PARD3: variants seen among roughly 807,000 people sequenced by gnomAD.
PARD3 encodes par-3 family cell polarity regulator.
A neutral mutation model predicts 155.4 loss-of-function variants in PARD3; 75 were observed. That is an observed-to-expected ratio of 0.48 (90% confidence interval 0.40 to 0.58). The LOEUF is 0.58. PARD3 is among the 20% of genes least tolerant of loss of function. The pLI is 0.00. For synonymous variants in PARD3, 576 were observed against 610.5 expected (o/e 0.94, Z 0.83); for missense variants, 1,642 against 1,721.7 (o/e 0.95, Z 0.82).
At chr10:34,258,628 C>T (rs527389312) in intron 22 of PARD3, among the ~76,000 whole-genome samples, 2 of 152,106 alleles carry the variant, frequency 1.3e-5, no homozygotes, top group African/African-American at 2.4e-5. Flanking sequence ...TGAGATCAGG[C>T]ATCATTATGC....
chr10:34,466,101 A>T lies in PARD3; in HGVS notation c.582+3984T>A, dbSNP rs2077990308. Among the ~76,000 whole-genome samples the T allele has an allele frequency of 3.3e-5, 5 of 152,298 alleles. No individual in the cohort carries two copies. In the South Asian group the frequency reaches 1.0e-3, roughly 32 times the overall value. On this transcript the variant is annotated intron_variant, in intron 4 of 24. Transcript: ENST00000374788. ...GTATGAGCAAAATGTTCCCTAAAAC[A>T]GTTGGAAAAGGTAGTCAGCCACAAA...
chr10:34,633,561 T>TACA (rs2092356663), intron 2 of PARD3, among the ~76,000 whole-genome samples: 2 of 152,220 alleles, frequency 1.3e-5, no homozygotes, highest in African/African-American at 4.8e-5. Flanking sequence ...GCACTGTGTA[T>TACA]ACAGACCATT....
intron 1 of PARD3, among the ~76,000 whole-genome samples, chr10:34,777,473 G>A (rs960862954): frequency 2.6e-5 from 4 of 152,076 alleles, no homozygotes; most frequent in African/African-American, 9.7e-5. Context: ...CCCGCACAGG[G>A]GGCTCTTAGA....
Position 34,395,693 on chromosome 10 carries a change from C to T in PARD3, c.890+3637G>A, listed in dbSNP as rs1458736637. Among the ~76,000 whole-genome samples, 3 of 78,332 alleles carry T rather than the reference C, an allele frequency of 3.8e-5. 1 individual carries two copies. The highest frequency in any genetic ancestry group is 5.7e-3 in the Middle Eastern group (1 of 176). 51.4% of individuals were successfully genotyped at this position (78,332 alleles called of 152,430 possible). A position where few individuals can be genotyped will look rare whatever the true frequency, so the allele number is the denominator to read the frequency against. On this transcript the variant is annotated intron_variant, in intron 7 of 24. Coordinates refer to ENST00000374788, the MANE Select transcript of PARD3 (RefSeq NM_001184785.2). The stretch of plus-strand genomic sequence containing the variant: ...TCTACTAAAAATACAAAAAATTAGC[C>T]GGGCGCGGTGGCGGGCGCCTGTAGT...
chr10:34,281,305 T>C (rs949766297), intron 21 of PARD3, among the ~76,000 whole-genome samples: 3 of 152,146 alleles, frequency 2.0e-5, no homozygotes, highest in Non-Finnish European at 4.4e-5. Context: ...CTGTCTCCAA[T>C]GTAGCCAACA....
chr10:34,367,375 A>C (rs750960616), intron 12 of PARD3, among the ~76,000 whole-genome samples: 38 of 152,212 alleles, frequency 2.5e-4, no homozygotes, highest in Admixed American at 2.4e-3. Context: ...AATCGATTTA[A>C]TCATTTTCGT....
chr10:34,625,217 A>G (rs1261284697), intron 2 of PARD3, among the ~76,000 whole-genome samples: 1 of 152,208 alleles, frequency 6.6e-6, no homozygotes, highest in Non-Finnish European at 1.5e-5. Context: ...AAAGCTTTAA[A>G]ATGTGCTTTC....
At chr10:34,539,805 A>G (rs2083475455) in intron 2 of PARD3, among the ~76,000 whole-genome samples, 1 of 152,366 alleles carries the variant, frequency 6.6e-6, no homozygotes, top group South Asian at 2.1e-4. Context: ...ACACTCAGGG[A>G]CATCCCATTG....
intron 2 of PARD3, among the ~76,000 whole-genome samples, chr10:34,594,827 C>CA (rs1217502518): frequency 6.6e-6 from 1 of 151,722 alleles, no homozygotes; most frequent in African/African-American, 2.4e-5. Context: ...GACCCTGTCT[C>CA]AAAAAAATAA....
intron 22 of PARD3, among the ~76,000 whole-genome samples, chr10:34,137,757 C>T (rs1123653): frequency 0.48 from 72,370 of 152,030 alleles, 18,967 homozygotes; most frequent in Non-Finnish European, 0.6. Flanking sequence ...ATCCAACCTG[C>T]AGCTTATAAG....
At chr10:34,214,749 C>A (rs996137349) in intron 22 of PARD3, among the ~76,000 whole-genome samples, 1 of 152,044 alleles carries the variant, frequency 6.6e-6, no homozygotes, top group Non-Finnish European at 1.5e-5. Flanking sequence ...ACAGAGAGGA[C>A]CCTCTTTTTC....
chr10:34,788,456 T>TC (rs1163118268), intron 1 of PARD3, among the ~76,000 whole-genome samples: 2 of 150,938 alleles, frequency 1.3e-5, no homozygotes, highest in African/African-American at 4.9e-5. Flanking sequence ...AGTTCTTTTT[T>TC]TTTTTTTTCC....
At chr10:34,348,514 C>A (rs2134373372) in intron 14 of PARD3, among the ~76,000 whole-genome samples, 1 of 152,242 alleles carries the variant, frequency 6.6e-6, no homozygotes, top group Middle Eastern at 3.4e-3. Context: ...ATGGAAGCTG[C>A]AATTTAGCTA....
chr10:34,496,402 A>C (rs1247936609), intron 3 of PARD3, among the ~76,000 whole-genome samples: 1 of 152,196 alleles, frequency 6.6e-6, no homozygotes, highest in Non-Finnish European at 1.5e-5. Context: ...TAACAGGTAG[A>C]CAGATAAAAG....
chr10:34,719,309 G>GA (rs966646674), intron 1 of PARD3, among the ~76,000 whole-genome samples: 3 of 152,088 alleles, frequency 2.0e-5, no homozygotes, highest in East Asian at 1.9e-4. Context: ...GGTTTCAAGG[G>GA]AAAAAAAGCA....
chr10:34,177,900 C>T (rs1428931246), intron 22 of PARD3, among the ~76,000 whole-genome samples: 7 of 152,150 alleles, frequency 4.6e-5, no homozygotes, highest in African/African-American at 1.7e-4. Flanking sequence ...ACTTCTGGCC[C>T]TCAGCCGTTC....
At chr10:34,223,730 A>G (rs1952437478) in intron 22 of PARD3, among the ~76,000 whole-genome samples, 1 of 152,224 alleles carries the variant, frequency 6.6e-6, no homozygotes, top group Non-Finnish European at 1.5e-5. Context: ...ACAGCCATCT[A>G]TTAATAACTT....
intron 22 of PARD3, among the ~76,000 whole-genome samples, chr10:34,220,673 T>C (rs1413168701): frequency 6.6e-6 from 1 of 152,146 alleles, no homozygotes; most frequent in East Asian, 1.9e-4. Context: ...AGCTGTGAAA[T>C]GGGGGTGATG....
intron 22 of PARD3, among the ~76,000 whole-genome samples, chr10:34,162,153 C>A (rs2133054382): frequency 6.6e-6 from 1 of 152,290 alleles, no homozygotes; most frequent in East Asian, 1.9e-4. Flanking sequence ...GCAGATAAGG[C>A]AACCTGCACA....
Sources: allele counts gnomAD v4.1 joint callset (sites outside exome capture counted in the v4.1 genomes callset), GRCh38; gene constraint gnomAD v4.1.1; transcripts MANE v1.5; gene names NCBI Gene and HGNC (gene_info 2026-07-23, HGNC 2026-07-21).